The following PDE3A variants were observed in gnomAD, a reference collection of about 807,000 sequenced individuals.
The protein encoded by PDE3A is phosphodiesterase 3A.
Under a neutral mutation model 98.3 loss-of-function variants are expected in PDE3A, and 43 were observed. That is an observed-to-expected ratio of 0.44 (90% CI 0.34 to 0.56). PDE3A has a LOEUF of 0.56. Ranked by LOEUF, PDE3A falls within the 20% of genes least tolerant of loss-of-function variation. The pLI is 0.01. For synonymous variants in PDE3A, 663 were observed against 567.9 expected (o/e 1.17, Z -2.38); for missense variants, 1,427 against 1,440.7 (o/e 0.99, Z 0.15).
At chr12:20,496,951 A>T (rs1945931043) in intron 1 of PDE3A, among the ~76,000 whole-genome samples, 1 of 152,194 alleles carries the variant, frequency 6.6e-6, no homozygotes, top group Non-Finnish European at 1.5e-5. Flanking sequence ...GAAACATAAG[A>T]GAAGTTCCAT....
intron 1 of PDE3A, among the ~76,000 whole-genome samples, chr12:20,410,918 C>G (rs895304205): frequency 6.6e-6 from 1 of 152,182 alleles, no homozygotes; most frequent in African/African-American, 2.4e-5. Context: ...TATCTCTTGT[C>G]TCCAGAAACC....
intron 1 of PDE3A, among the ~76,000 whole-genome samples, chr12:20,494,949 A>C (rs996270912): frequency 6.6e-5 from 10 of 152,144 alleles, no homozygotes; most frequent in African/African-American, 2.4e-4. Context: ...AATTCAGTAC[A>C]ACTGTGTTTC....
At chr12:20,565,524 G>A (rs1451093766) in intron 2 of PDE3A, among the ~76,000 whole-genome samples, 3 of 151,984 alleles carry the variant, frequency 2.0e-5, no homozygotes, top group South Asian at 2.1e-4. Flanking sequence ...AGACTAGGAT[G>A]TATTAACTAG....
At chr12:20,464,128 G>T (rs891104111) in intron 1 of PDE3A, among the ~76,000 whole-genome samples, 2 of 152,066 alleles carry the variant, frequency 1.3e-5, no homozygotes, top group African/African-American at 2.4e-5. Flanking sequence ...CCACTAGATG[G>T]CTCTGTTCTC....
chr12:20,629,349 AG>A (rs1418080246), intron 5 of PDE3A, among the ~76,000 whole-genome samples: 1 of 152,196 alleles, frequency 6.6e-6, no homozygotes, highest in Admixed American at 6.5e-5. Flanking sequence ...TTTTGATCAA[AG>A]CACTCTTTCA....
chr12:20,589,717 A>G (rs1017696273), intron 2 of PDE3A, among the ~76,000 whole-genome samples: 1 of 151,856 alleles, frequency 6.6e-6, no homozygotes, highest in Non-Finnish European at 1.5e-5. Context: ...AAACACAAAA[A>G]AATTAGCCAG....
At chr12:20,669,834 A>C (rs1479380112) in intron 15 of PDE3A, among the ~76,000 whole-genome samples, 1 of 152,104 alleles carries the variant, frequency 6.6e-6, no homozygotes, top group Non-Finnish European at 1.5e-5. Context: ...GACAGGATCA[A>C]ATTCACACAT....
At chr12:20,391,965 C>A (rs945502536) in intron 1 of PDE3A, among the ~76,000 whole-genome samples, 1 of 151,958 alleles carries the variant, frequency 6.6e-6, no homozygotes, top group East Asian at 1.9e-4. Flanking sequence ...AGAGCATCAA[C>A]GTGTGGGTGA....
chr12:20,514,425 GTT>G (rs1946280459), intron 1 of PDE3A, among the ~76,000 whole-genome samples: 1 of 152,158 alleles, frequency 6.6e-6, no homozygotes, highest in African/African-American at 2.4e-5. Context: ...TATTATTTGT[GTT>G]GTGTTTGAAG....
At chr12:20,381,625 T>G (rs1226290691) in intron 1 of PDE3A, among the ~76,000 whole-genome samples, 2 of 151,896 alleles carry the variant, frequency 1.3e-5, no homozygotes, top group Non-Finnish European at 2.9e-5. Flanking sequence ...CGAACTCTCC[T>G]GACATTCATT....
At chr12:20,656,735 T>A (rs1387290860) in intron 15 of PDE3A, among the ~76,000 whole-genome samples, 1 of 152,196 alleles carries the variant, frequency 6.6e-6, no homozygotes, top group Non-Finnish European at 1.5e-5. Context: ...ATTGTCAGCT[T>A]AGCCTCTGGA....
At chr12:20,429,457 G>A (rs1038627069) in intron 1 of PDE3A, among the ~76,000 whole-genome samples, 4 of 152,182 alleles carry the variant, frequency 2.6e-5, no homozygotes, top group Admixed American at 2.6e-4. Context: ...GTGGTATGAA[G>A]AACATTTTGA....
At chr12:20,666,032 C>A (rs1449595662) in intron 15 of PDE3A, among the ~76,000 whole-genome samples, 1 of 144,484 alleles carries the variant, frequency 6.9e-6, no homozygotes, top group Non-Finnish European at 1.5e-5. Context: ...GGCACATTCT[C>A]AGCTCACTGC....
At chr12:20,599,172 A>C (rs377115242) in intron 2 of PDE3A, among the ~76,000 whole-genome samples, 1 of 152,110 alleles carries the variant, frequency 6.6e-6, no homozygotes. Flanking sequence ...CTTCTTATGC[A>C]GTCCCCACGT....
At chr12:20,607,553 G>A (rs1012764898) in intron 2 of PDE3A, among the ~76,000 whole-genome samples, 8 of 151,780 alleles carry the variant, frequency 5.3e-5, no homozygotes, top group South Asian at 2.1e-4. Flanking sequence ...ACTGTTTATC[G>A]TACTGAAATG....
Position 20,400,379 on chromosome 12 carries a change from G to GTTTTTTTTTTTTTT in PDE3A, c.960+30167_960+30180dup, listed in dbSNP as rs75851941. Among the ~76,000 whole-genome samples, 45 of 110,270 alleles carry GTTTTTTTTTTTTTT rather than the reference G, an allele frequency of 4.1e-4. 2 individuals carry two copies. The highest frequency in any genetic ancestry group is 5.9e-4 in the Non-Finnish European group (34 of 57,390). 72.3% of individuals were successfully genotyped at this position (110,270 alleles called of 152,430 possible). Reference sequence around the variant, plus strand: ...AGCTCATGTTGACTCGTTAACATTGGTTTTTTTTTTTTTTTTTTTTTTTTT... The same window carrying GTTTTTTTTTTTTTT: ...AGCTCATGTTGACTCGTTAACATTGGTTTTTTTTTTTTTTTTTTTTTTTTTTTTTTTTTTTTTTT... On this transcript the variant is annotated intron_variant, in intron 1 of 15. Transcript: ENST00000359062.
chr12:20,449,156 T>TG (rs1945016286), intron 1 of PDE3A, among the ~76,000 whole-genome samples: 1 of 152,210 alleles, frequency 6.6e-6, no homozygotes, highest in African/African-American at 2.4e-5. Flanking sequence ...ACTCCAGACC[T>TG]AAATGGTGAA....
chr12:20,552,725 C>T lies in PDE3A; in HGVS notation c.961-3935C>T, dbSNP rs535474551. On this transcript the variant is annotated intron_variant, in intron 1 of 15. Transcript: ENST00000359062. The surrounding 1 kb of genome is among the most constrained non-coding windows in gnomAD (Gnocchi z 5.1). ...GCCAAGCTGTGGAATGAGGTCCTGG[C>T]GTCACTCAAGGACCGGCCGGCGAGC... is the stretch of plus-strand genomic sequence containing the variant. The T allele has an allele frequency of 3.9e-4, 630 of 1,614,020 alleles. No homozygotes were observed. The highest frequency in any genetic ancestry group is 2.3e-3 in the Middle Eastern group (14 of 6,062).
chr12:20,488,204 C>T (rs1316333895), intron 1 of PDE3A, among the ~76,000 whole-genome samples: 1 of 152,058 alleles, frequency 6.6e-6, no homozygotes, highest in African/African-American at 2.4e-5. Flanking sequence ...TTCACGTACT[C>T]TACCAACATC....
Sources: allele counts gnomAD v4.1 joint callset (sites outside exome capture counted in the v4.1 genomes callset), GRCh38; gene constraint gnomAD v4.1.1; non-coding constraint Gnocchi (gnomAD v3.1); transcripts MANE v1.5; gene names NCBI Gene and HGNC (gene_info 2026-07-23, HGNC 2026-07-21).